The following NEUROG2 variants were observed in gnomAD, a reference collection of about 807,000 sequenced individuals.
The protein encoded by NEUROG2 is neurogenin 2, also known as neurogenin-2.
Under a neutral mutation model 2.8 loss-of-function variants are expected in NEUROG2, and 1 was observed. That is an observed-to-expected ratio of 0.36 (90% CI 0.13 to 1.71). NEUROG2 has a LOEUF of 1.71. NEUROG2 is among the 40% of genes most tolerant of loss of function. The pLI, the probability that NEUROG2 is intolerant of heterozygous loss-of-function variation, is 0.34. For missense variants in NEUROG2, 397 were observed against 392.7 expected (o/e 1.01, Z -0.09); for synonymous variants, 211 against 187.7 (o/e 1.12, Z -1.01).
chr4:112,515,419 C>A lies in NEUROG2; in HGVS notation c.57G>T (p.Leu19=), dbSNP rs771673824. Residue 19 remains leucine (L), a synonymous_variant, in exon 2 of 2, where the codon CTG becomes CTT. Transcript: ENST00000313341. ...ELKEEEDVLV[L]LGSASPALAA... is the part of the protein sequence containing the mutation. ...CCAAGGCGGGGGAGGCCGATCCGAG[C>A]AGCACTAACACGTCCTCTTCCTCCT... is the stretch of plus-strand genomic sequence containing the variant. The A allele has an allele frequency of 1.3e-6, 2 of 1,526,514 alleles. No individual in the cohort carries two copies. The highest frequency in any genetic ancestry group is 2.2e-5 in the Admixed American group (1 of 46,186). 94.6% of individuals were successfully genotyped at this position (1,526,514 alleles called of 1,614,324 possible). A position where few individuals can be genotyped will look rare whatever the true frequency, so the allele number is the denominator to read the frequency against.
chr4:112,516,164 G>C lies in NEUROG2; in HGVS notation c.-319C>G, dbSNP rs2148786304. ...TTAACGCGAAGCTGCTTGTGGTTCA[G>C]TGGCTGCGTGTCTGGCACACGACTC... On this transcript the variant is annotated 5_prime_UTR_variant, in exon 1 of 2. Transcript: ENST00000313341. 6.5e-6 allele frequency: 1 copy of C among 153,014 alleles called. No individual in the cohort carries two copies. Among genetic ancestry groups the C allele is most frequent in the Middle Eastern group, 3.4e-3 (1 of 296 alleles). 9.5% of individuals were successfully genotyped at this position (153,014 alleles called of 1,614,324 possible).
Position 112,515,170 on chromosome 4 carries a change from C to G in NEUROG2, c.306G>C (p.Thr102=). 2.5e-6 allele frequency: 4 copies of G among 1,613,050 alleles called. No homozygotes were observed. The highest frequency in any genetic ancestry group is 2.2e-5 in the East Asian group (1 of 44,836). ...TCTTGATGCGCTGCACCGTCTCGGC[C>G]GTCTTGGCGCCTCGGGAGACGGCCC... The part of the protein sequence containing the change: ...RARAVSRGAK[T]AETVQRIKKT... Residue 102 remains threonine (T), a synonymous_variant, in exon 2 of 2, where the codon ACG becomes ACC. Transcript: ENST00000313341.
Position 112,514,942 on chromosome 4 carries a change from GCC to G in NEUROG2, c.532_533del (p.Gly178ArgfsTer139). On this transcript the variant is annotated frameshift_variant, in exon 2 of 2. Coordinates refer to ENST00000313341, the MANE Select transcript of NEUROG2 (RefSeq NM_024019.4). LOFTEE classifies it low-confidence loss of function (END_TRUNC). Reference protein sequence around the residue: ...LRLADHCGGGGGGLPGALFSE... With the variant: ...LRLADHCGGGXGGLPGALFSE... The stretch of plus-strand genomic sequence containing the variant: ...AGAAGAGCGCCCCCGGCAGGCCCCC[GCC>G]GCCGCCCCCGCAGTGATCCGCCAGG... The G allele has an allele frequency of 6.2e-7, 1 of 1,610,252 alleles. No homozygotes were observed. The highest frequency in any genetic ancestry group is 1.3e-5 in the African/African-American group (1 of 74,888).
In NEUROG2 at chr4:112,515,481, C is replaced by G. The variant is rs1181547874; in HGVS notation, c.-1-5G>C. The G allele has an allele frequency of 4.0e-6, 6 of 1,515,948 alleles. No homozygotes were observed. The highest frequency in any genetic ancestry group is 4.4e-6 in the Non-Finnish European group (5 of 1,145,930). 93.9% of individuals were successfully genotyped at this position (1,515,948 alleles called of 1,614,324 possible). On this transcript the variant is annotated splice_polypyrimidine_tract_variant and splice_region_variant and intron_variant, in intron 1 of 1. Transcript: ENST00000313341. ...GTCTCGGATTTGACGAACATCCTAC[C>G]GAAGAGAGAAAGGGGAAAAAGGCAG...
rs780460870 is a variant in NEUROG2 at position 112,515,492 on chromosome 4, A to C, written c.-1-16T>G. 6.6e-7 allele frequency: 1 copy of C among 1,506,776 alleles called. No homozygotes were observed. Among genetic ancestry groups the C allele is most frequent in the South Asian group, 1.3e-5 (1 of 76,882 alleles). The allele number at this position is 1,506,776 out of a possible 1,614,324, so 93.3% of individuals were successfully genotyped here. On this transcript the variant is annotated splice_polypyrimidine_tract_variant and intron_variant, in intron 1 of 1. Coordinates refer to ENST00000313341, the MANE Select transcript of NEUROG2 (RefSeq NM_024019.4). Reference sequence around the variant, plus strand: ...GACGAACATCCTACCGAAGAGAGAAAGGGGAAAAAGGCAGTGAGGTGTAAG... The same window carrying C: ...GACGAACATCCTACCGAAGAGAGAACGGGGAAAAAGGCAGTGAGGTGTAAG...
Position 112,515,369 on chromosome 4 carries a change from C to A in NEUROG2, c.107G>T (p.Ser36Ile), listed in dbSNP as rs2148785865. 6.6e-7 allele frequency: 1 copy of A among 1,517,076 alleles called. No individual in the cohort carries two copies. Among genetic ancestry groups the A allele is most frequent in the Non-Finnish European group, 8.8e-7 (1 of 1,141,252 alleles). 94.0% of individuals were successfully genotyped at this position (1,517,076 alleles called of 1,614,324 possible). The change falls in exon 2 of 2, where the codon AGC becomes ATC. Residue 36 changes from serine to isoleucine, a missense_variant. Ser to Ile is a moderately radical substitution (Grantham distance 142). Transcript: ENST00000313341. ...CTCCTCCTCCTCTTCTTCGTCGGCGCTGGATGACAGCGGGGTCAGGGCCGC... is the reference window on the plus strand; with the variant it reads ...CTCCTCCTCCTCTTCTTCGTCGGCGATGGATGACAGCGGGGTCAGGGCCGC... ...ALAALTPLSS[S>I]ADEEEEEEPG...
Position 112,514,693 on chromosome 4 carries a change from AT to A in NEUROG2, c.782del (p.Tyr261LeufsTer7), listed in dbSNP as rs1736385113. 2.0e-6 allele frequency: 3 copies of A among 1,517,928 alleles called. No individual in the cohort carries two copies. In the East Asian group the frequency reaches 6.9e-5, roughly 35 times the overall value. The allele number at this position is 1,517,928 out of a possible 1,614,324, so 94.0% of individuals were successfully genotyped here. On this transcript the variant is annotated frameshift_variant, in exon 2 of 2. Coordinates refer to ENST00000313341, the MANE Select transcript of NEUROG2 (RefSeq NM_024019.4). LOFTEE classifies it high-confidence loss of function. ...CCCTGGCTATGGGGAGGTGAGGTGC[AT>A]AGCGGTGCTTGTCGGGAGGTGGGGG... ...WQPPPPDKHRYAPHLPIARDC... is the reference protein window; with the variant it reads ...WQPPPPDKHRXAPHLPIARDC...
In NEUROG2 at chr4:112,514,612, A is replaced by G. The variant is rs1024445288; in HGVS notation, c.*45T>C. On this transcript the variant is annotated 3_prime_UTR_variant, in exon 2 of 2. Transcript: ENST00000313341. The stretch of plus-strand genomic sequence containing the variant: ...GAGGAGGGCTCGACTGGGGACAGGA[A>G]AGGGAACCCACTAAGGCCTGGCGTG... 6.9e-7 allele frequency: 1 copy of G among 1,454,670 alleles called. No homozygotes were observed. Among genetic ancestry groups the G allele is most frequent in the African/African-American group, 1.5e-5 (1 of 68,622 alleles). 90.1% of individuals were successfully genotyped at this position (1,454,670 alleles called of 1,614,324 possible). A position where few individuals can be genotyped will look rare whatever the true frequency, so the allele number is the denominator to read the frequency against.
chr4:112,514,570 G>T lies in NEUROG2; in HGVS notation c.*87C>A. 1.8e-6 allele frequency: 2 copies of T among 1,094,026 alleles called. No homozygotes were observed. Among genetic ancestry groups the T allele is most frequent in the Non-Finnish European group, 2.5e-6 (2 of 790,458 alleles). 67.8% of individuals were successfully genotyped at this position (1,094,026 alleles called of 1,614,324 possible). ...TGAGATGGTTTCCAGGGCGTGGAAA[G>T]GAGGGGCAGGGGAAGGGAGGAGGGC... On this transcript the variant is annotated 3_prime_UTR_variant, in exon 2 of 2. Transcript: ENST00000313341.
At position 112,515,941 on chromosome 4, in the gene NEUROG2, C is replaced by G. The variant is rs1736437913; in HGVS notation, c.-96G>C. 1 of 152,840 alleles carries G rather than the reference C, an allele frequency of 6.5e-6. No individual in the cohort carries two copies. Among genetic ancestry groups the G allele is most frequent in the Non-Finnish European group, 1.5e-5 (1 of 68,248 alleles). The allele number at this position is 152,840 out of a possible 1,614,324, so 9.5% of individuals were successfully genotyped here. On this transcript the variant is annotated 5_prime_UTR_variant, in exon 1 of 2. Coordinates refer to ENST00000313341, the MANE Select transcript of NEUROG2 (RefSeq NM_024019.4). ...CGAGCGCAGCGCCGGGTCCTTCGCC[C>G]GGCGTGAAAGCTGCAAGCCCGGCGC...
In NEUROG2 at chr4:112,514,595, C is replaced by T. The variant is rs1736381163; in HGVS notation, c.*62G>A. ...GGAGGGGCAGGGGAAGGGAGGAGGG[C>T]TCGACTGGGGACAGGAAAGGGAACC... On this transcript the variant is annotated 3_prime_UTR_variant, in exon 2 of 2. Transcript: ENST00000313341. 10 of 1,372,690 alleles carry T rather than the reference C, an allele frequency of 7.3e-6. No homozygotes were observed. Among genetic ancestry groups the T allele is most frequent in the African/African-American group, 1.5e-5 (1 of 66,590 alleles). The allele number at this position is 1,372,690 out of a possible 1,614,324, so 85.0% of individuals were successfully genotyped here.
Position 112,515,299 on chromosome 4 carries a change from G to T in NEUROG2, c.177C>A (p.Ala59=), listed in dbSNP as rs1028635299. 1 of 1,464,804 alleles carries T rather than the reference G, an allele frequency of 6.8e-7. No homozygotes were observed. The highest frequency in any genetic ancestry group is 2.8e-5 in the Admixed American group (1 of 35,152). The allele number at this position is 1,464,804 out of a possible 1,614,324, so 90.7% of individuals were successfully genotyped here. The change falls in exon 2 of 2, where the codon GCC becomes GCA. Residue 59 remains alanine (A), a synonymous_variant. Coordinates refer to ENST00000313341, the MANE Select transcript of NEUROG2 (RefSeq NM_024019.4). ...CCACGCCGCCCCGCGCCCCCTGCCC[G>T]GCCTCAGCCCCGCGCTGCCGACGCG... The part of the protein sequence containing the change: ...GGARRQRGAE[A]GQGARGGVAA...
At position 112,514,676 on chromosome 4, in the gene NEUROG2, A is replaced by T; in HGVS notation, c.800T>A (p.Ile267Lys). 6.6e-7 allele frequency: 1 copy of T among 1,507,712 alleles called. No homozygotes were observed. The allele number at this position is 1,507,712 out of a possible 1,614,324, so 93.4% of individuals were successfully genotyped here. ...GCAGCTCTAGATACAATCCCTGGCTATGGGGAGGTGAGGTGCATAGCGGTG... is the reference window on the plus strand; with the variant it reads ...GCAGCTCTAGATACAATCCCTGGCTTTGGGGAGGTGAGGTGCATAGCGGTG... ...DKHRYAPHLP[I>K]ARDCI Residue 267 changes from isoleucine to lysine, a missense_variant, in exon 2 of 2, where the codon ATA becomes AAA. Physicochemically the swap from Ile to Lys is moderately radical, Grantham distance 102. Coordinates refer to ENST00000313341, the MANE Select transcript of NEUROG2 (RefSeq NM_024019.4).
At position 112,515,583 on chromosome 4, in the gene NEUROG2, G is replaced by C. The variant is rs974283393; in HGVS notation, c.-1-107C>G. 3 of 916,556 alleles carry C rather than the reference G, an allele frequency of 3.3e-6. No homozygotes were observed. The African/African-American group carries it at 5.2e-5, about 16-fold the overall frequency. The allele number at this position is 916,556 out of a possible 1,614,324, so 56.8% of individuals were successfully genotyped here. On this transcript the variant is annotated intron_variant, in intron 1 of 1. Transcript: ENST00000313341. ...CTCCGGCGCGCACCCGAGAAGACCA[G>C]CTCCGAATGGCGCGGAGCAGGAAGG... is the stretch of plus-strand genomic sequence containing the variant.
In NEUROG2 at chr4:112,515,123, T is replaced by C; in HGVS notation, c.353A>G (p.Asn118Ser). Residue 118 changes from asparagine (N) to serine (S), a missense_variant, in exon 2 of 2, where the codon AAC becomes AGC. Asn to Ser is a conservative substitution (Grantham distance 46). Coordinates refer to ENST00000313341, the MANE Select transcript of NEUROG2 (RefSeq NM_024019.4). ...RIKKTRRLKANNRERNRMHNL... is the reference protein window; with the variant it reads ...RIKKTRRLKASNRERNRMHNL... ...GTGCATGCGGTTTCGCTCGCGGTTG[T>C]TGGCCTTCAGTCTACGGGTCTTCTT... 6.2e-7 allele frequency: 1 copy of C among 1,613,912 alleles called. No individual in the cohort carries two copies. Among genetic ancestry groups the C allele is most frequent in the South Asian group, 1.1e-5 (1 of 91,084 alleles).
Position 112,514,688 on chromosome 4 carries a change from G to A in NEUROG2, c.788C>T (p.Pro263Leu), listed in dbSNP as rs756563618. The A allele has an allele frequency of 7.9e-6, 12 of 1,511,274 alleles. No homozygotes were observed. The East Asian group carries it at 2.6e-4, about 32-fold the overall frequency. 93.6% of individuals were successfully genotyped at this position (1,511,274 alleles called of 1,614,324 possible). A position where few individuals can be genotyped will look rare whatever the true frequency, so the allele number is the denominator to read the frequency against. ...PPPPDKHRYA[P>L]HLPIARDCI ...ACAATCCCTGGCTATGGGGAGGTGA[G>A]GTGCATAGCGGTGCTTGTCGGGAGG... is the stretch of plus-strand genomic sequence containing the variant. The change falls in exon 2 of 2, where the codon CCT (proline) becomes CTT (leucine). Residue 263 changes from proline to leucine, a missense_variant. Transcript: ENST00000313341.
chr4:112,515,336 GCGCCC>G lies in NEUROG2; in HGVS notation c.135_139del (p.Gly46ValfsTer11). Reference sequence around the variant, plus strand: ...GCGCTGCCGACGCGCCCCGCCTGACGCGCCCGGCTCCTCCTCCTCTTCTTCGTCGG... The same window carrying G: ...GCGCTGCCGACGCGCCCCGCCTGACGGGCTCCTCCTCCTCTTCTTCGTCGG... On this transcript the variant is annotated frameshift_variant, in exon 2 of 2. Coordinates refer to ENST00000313341, the MANE Select transcript of NEUROG2 (RefSeq NM_024019.4). LOFTEE classifies it low-confidence loss of function (END_TRUNC). 7.0e-7 allele frequency: 1 copy of G among 1,432,976 alleles called. No individual in the cohort carries two copies. Among genetic ancestry groups the G allele is most frequent in the Non-Finnish European group, 9.1e-7 (1 of 1,096,738 alleles). The allele number at this position is 1,432,976 out of a possible 1,614,324, so 88.8% of individuals were successfully genotyped here.
intron 1 of NEUROG2, 41 bp from the exon 2 acceptor site, chr4:112,515,517 GGAAA>G: frequency 6.8e-7 from 1 of 1,473,924 alleles, no homozygotes; most frequent in Non-Finnish European, 8.9e-7. Flanking sequence ...TGAGGTGTAA[GGAAA>G]GAAACAGAGG....
In NEUROG2 at chr4:112,515,410, C is replaced by T. The variant is rs563432796; in HGVS notation, c.66G>A (p.Ser22=). ...TCAGGGCCGCCAAGGCGGGGGAGGCCGATCCGAGCAGCACTAACACGTCCT... is the reference window on the plus strand; with the variant it reads ...TCAGGGCCGCCAAGGCGGGGGAGGCTGATCCGAGCAGCACTAACACGTCCT... ...EEEDVLVLLG[S]ASPALAALTP... The change falls in exon 2 of 2, where the codon TCG becomes TCA. Residue 22 remains serine (S), a synonymous_variant. Transcript: ENST00000313341. 1.5e-5 allele frequency: 23 copies of T among 1,525,958 alleles called. No homozygotes were observed. The South Asian group carries it at 2.5e-4, about 16-fold the overall frequency. The allele number at this position is 1,525,958 out of a possible 1,614,324, so 94.5% of individuals were successfully genotyped here.
Sources: allele counts gnomAD v4.1 joint callset, GRCh38; gene constraint gnomAD v4.1.1; transcripts MANE v1.5; gene names NCBI Gene and HGNC (gene_info 2026-07-23, HGNC 2026-07-21).